The following RASEF variants were observed in gnomAD, a reference collection of about 807,000 sequenced individuals.
The protein encoded by RASEF is ras and EF-hand domain-containing protein.
A neutral mutation model predicts 90.1 loss-of-function variants in RASEF; 68 were observed. The ratio of observed to expected loss-of-function variants is 0.75; its 90% CI spans 0.62 to 0.92. The LOEUF (loss-of-function observed/expected upper bound fraction) is 0.92. Ranked by LOEUF, RASEF falls within the 40% of genes least tolerant of loss-of-function variation. RASEF has a pLI of 0.00. For missense variants in RASEF, 949 were observed against 937.2 expected (o/e 1.01, Z -0.16); for synonymous variants, 331 against 345.2 (o/e 0.96, Z 0.46).
At chr9:83,103,973 A>C in the RASEF span, among the ~76,000 whole-genome samples, 7 of 152,300 alleles carry the variant, frequency 4.6e-5, no homozygotes, top group African/African-American at 1.4e-4. Flanking sequence ...TTCACTCCCA[A>C]GAGAGCTTCA....
chr9:83,169,591 T>C, the RASEF span, among the ~76,000 whole-genome samples: 1 of 149,872 alleles, frequency 6.7e-6, no homozygotes, highest in Non-Finnish European at 1.5e-5. Flanking sequence ...TGTTTGTTTG[T>C]TTGTTTTGTT....
At chr9:83,065,807 G>A (rs137864156), upstream of RASEF, among the ~76,000 whole-genome samples, 42 of 152,016 alleles carry the variant, frequency 2.8e-4, no homozygotes, top group Non-Finnish European at 4.4e-4. Context: ...ATTTTGTTTC[G>A]CAGGGGACAT....
At chr9:83,096,228 T>C in the RASEF span, among the ~76,000 whole-genome samples, 2 of 152,136 alleles carry the variant, frequency 1.3e-5, no homozygotes, top group African/African-American at 4.8e-5. Context: ...AAGAATTCTG[T>C]TTTCTATCCT....
chr9:83,000,429 C>T lies in RASEF; in HGVS notation c.1575+4G>A, dbSNP rs374305065. On this transcript the variant is annotated splice_donor_region_variant and intron_variant, in intron 11 of 16. Coordinates refer to ENST00000376447, the MANE Select transcript of RASEF (RefSeq NM_152573.4). ...TGAATAGGAGTGTCTCGGAGACCAC[C>T]TACCTGGGGCGAGAGTGCTGAGATG... The T allele has an allele frequency of 1.9e-6, 3 of 1,613,560 alleles. No homozygotes were observed. Among genetic ancestry groups the T allele is most frequent in the Non-Finnish European group, 2.5e-6 (3 of 1,179,894 alleles).
At chr9:83,060,639 A>T (rs2117917224) in intron 1 of RASEF, among the ~76,000 whole-genome samples, 1 of 152,358 alleles carries the variant, frequency 6.6e-6, no homozygotes. Flanking sequence ...TGGAAGGAAG[A>T]AAAGGTCAAC....
the RASEF span, among the ~76,000 whole-genome samples, chr9:83,098,681 C>A: frequency 5.3e-5 from 8 of 152,176 alleles, no homozygotes; most frequent in African/African-American, 9.7e-5. Context: ...GGAGGCTTTA[C>A]AATCATGGTG....
At position 83,062,339 on chromosome 9, in the gene RASEF, AGGG is replaced by A. The variant is rs10573978; in HGVS notation, c.431+95_431+97del. ...AGACAAGCAACTCACAGAGAAGACT[AGGG>A]GGGGGGGCCATTGGGTCTGCACACC... On this transcript the variant is annotated intron_variant, in intron 1 of 16. Coordinates refer to ENST00000376447, the MANE Select transcript of RASEF (RefSeq NM_152573.4). 673 of 1,060,254 alleles carry A rather than the reference AGGG, an allele frequency of 6.3e-4. 7 individuals carry two copies. In the African/African-American group the frequency reaches 8.7e-3, roughly 14 times the overall value. 65.7% of individuals were successfully genotyped at this position (1,060,254 alleles called of 1,614,324 possible). A position where few individuals can be genotyped will look rare whatever the true frequency, so the allele number is the denominator to read the frequency against.
At chr9:83,067,736 A>G (rs966394209), upstream of RASEF, among the ~76,000 whole-genome samples, 6 of 152,242 alleles carry the variant, frequency 3.9e-5, no homozygotes, top group Non-Finnish European at 5.9e-5. Context: ...GAACTGAGCA[A>G]GAAGTATTGT....
the RASEF span, among the ~76,000 whole-genome samples, chr9:83,177,742 T>C: frequency 6.6e-6 from 1 of 152,148 alleles, no homozygotes; most frequent in African/African-American, 2.4e-5. Flanking sequence ...TTCGTATTTA[T>C]CCCATTAGAG....
At chr9:83,057,777 G>A (rs1394251751) in intron 1 of RASEF, among the ~76,000 whole-genome samples, 3 of 150,790 alleles carry the variant, frequency 2.0e-5, no homozygotes, top group African/African-American at 7.3e-5. Flanking sequence ...TACTGGCCAT[G>A]AGCATGAAAA....
chr9:83,100,892 T>C, the RASEF span, among the ~76,000 whole-genome samples: 2 of 152,198 alleles, frequency 1.3e-5, no homozygotes, highest in African/African-American at 2.4e-5. Flanking sequence ...TTTTATTGAT[T>C]CCTGTAAATG....
Position 83,000,032 on chromosome 9 carries a change from CACACAT to C in RASEF, c.1723+131_1723+136del, listed in dbSNP as rs1010354716. ...ACACACACACACACACACACACACA[CACACAT>C]TTATATATGTGTGCATACACAGAGA... On this transcript the variant is annotated intron_variant, in intron 12 of 16. Transcript: ENST00000376447. The C allele has an allele frequency of 1.5e-5, 8 of 540,024 alleles. No homozygotes were observed. In the African/African-American group the frequency reaches 2.0e-4, roughly 14 times the overall value. 33.5% of individuals were successfully genotyped at this position (540,024 alleles called of 1,614,324 possible). A position where few individuals can be genotyped will look rare whatever the true frequency, so the allele number is the denominator to read the frequency against.
At chr9:83,132,373 T>C in the RASEF span, among the ~76,000 whole-genome samples, 82,144 of 151,438 alleles carry the variant, frequency 0.54, 22,789 homozygotes, top group East Asian at 0.79. Flanking sequence ...TCCAGTGGTT[T>C]TTGCCACTTG....
chr9:83,054,967 T>G (rs1038983011), intron 1 of RASEF: 1 of 145,970 alleles, frequency 6.9e-6, no homozygotes, highest in Non-Finnish European at 1.5e-5. Flanking sequence ...ACAGGGACAC[T>G]TAAGTCTGCA....
At chr9:83,088,372 G>GGATAGATA in the RASEF span, among the ~76,000 whole-genome samples, 36,480 of 147,316 alleles carry the variant, frequency 0.25, 4,641 homozygotes, top group Non-Finnish European at 0.25. Flanking sequence ...ATAGATAGAT[G>GGATAGATA]GATAGATAGA....
chr9:83,190,883 G>A, the RASEF span, among the ~76,000 whole-genome samples: 1 of 152,130 alleles, frequency 6.6e-6, no homozygotes, highest in African/African-American at 2.4e-5. Flanking sequence ...CCCATGCCCA[G>A]GAAATTACCA....
chr9:83,185,291 T>C, the RASEF span, among the ~76,000 whole-genome samples: 1 of 151,878 alleles, frequency 6.6e-6, no homozygotes, highest in East Asian at 1.9e-4. Context: ...AAATCCTTTA[T>C]ACATGTCAGA....
chr9:83,180,542 A>G, the RASEF span, among the ~76,000 whole-genome samples: 2 of 152,136 alleles, frequency 1.3e-5, no homozygotes, highest in African/African-American at 4.8e-5. Flanking sequence ...TTAGTCAACA[A>G]GTATGGCATG....
At chr9:83,007,629 T>C (rs2118481541) in intron 6 of RASEF, 124 bp from the exon 7 acceptor site, 1 of 721,704 alleles carries the variant, frequency 1.4e-6, no homozygotes, top group African/African-American at 1.7e-5. Flanking sequence ...CAGTTTTCTA[T>C]CTTTCCCGTG....
Sources: allele counts gnomAD v4.1 joint callset (sites outside exome capture counted in the v4.1 genomes callset), GRCh38; gene constraint gnomAD v4.1.1; transcripts MANE v1.5; gene names NCBI Gene and HGNC (gene_info 2026-07-23, HGNC 2026-07-21).